The following BCAR3 variants were observed in gnomAD, a reference collection of about 807,000 sequenced individuals.
BCAR3 encodes BCAR3 adaptor protein, NSP family member.
BCAR3 carries 37 observed loss-of-function variants against 80.1 expected under a neutral mutation model. That is an observed-to-expected ratio of 0.46 (90% CI 0.36 to 0.61). The LOEUF is 0.61. Among genes scored for constraint, BCAR3 ranks in the 20% least tolerant of loss-of-function variants. BCAR3 has a pLI of 0.00. For missense variants in BCAR3, 978 were observed against 1,068.2 expected (o/e 0.92, Z 1.18); for synonymous variants, 389 against 418.9 (o/e 0.93, Z 0.87).
At chr1:93,668,049 C>T (rs1039120308) in intron 2 of BCAR3, among the ~76,000 whole-genome samples, 1 of 152,092 alleles carries the variant, frequency 6.6e-6, no homozygotes, top group Non-Finnish European at 1.5e-5. Flanking sequence ...GTGAAAAACC[C>T]AGAAGACTAA....
chr1:93,562,118 G>T lies in BCAR3; in HGVS notation c.*123C>A. The T allele has an allele frequency of 1.0e-6, 1 of 996,730 alleles. No individual in the cohort carries two copies. Among genetic ancestry groups the T allele is most frequent in the Non-Finnish European group, 1.5e-6 (1 of 689,440 alleles). 61.7% of individuals were successfully genotyped at this position (996,730 alleles called of 1,614,324 possible). ...GCAATTTACACGTTTAATATCCTGT[G>T]GATACTAAAAGCTTGTATATTGTCA... is the stretch of plus-strand genomic sequence containing the variant. On this transcript the variant is annotated 3_prime_UTR_variant, in exon 12 of 12. Coordinates refer to ENST00000260502, the MANE Select transcript of BCAR3 (RefSeq NM_003567.4).
In BCAR3 at chr1:93,561,744, T is replaced by C. The variant is rs1189519436; in HGVS notation, c.*497A>G. The C allele has an allele frequency of 6.5e-6, 1 of 152,682 alleles. No individual in the cohort carries two copies. The highest frequency in any genetic ancestry group is 2.1e-4 in the South Asian group (1 of 4,832). 9.5% of individuals were successfully genotyped at this position (152,682 alleles called of 1,614,324 possible). A position where few individuals can be genotyped will look rare whatever the true frequency, so the allele number is the denominator to read the frequency against. ...TTGAGGTAGCTAAGAGGTAGAGTTA[T>C]TGTACCAAGATGAGTTGTTTAATAT... is the stretch of plus-strand genomic sequence containing the variant. On this transcript the variant is annotated 3_prime_UTR_variant, in exon 12 of 12. Transcript: ENST00000260502.
At chr1:93,566,101 G>A (rs1468307815) in intron 11 of BCAR3, among the ~76,000 whole-genome samples, 2 of 152,066 alleles carry the variant, frequency 1.3e-5, no homozygotes, top group African/African-American at 2.4e-5. Context: ...CTTCAGCCAC[G>A]GTCTTATGTG....
chr1:93,642,684 C>T (rs1361188227), intron 2 of BCAR3, among the ~76,000 whole-genome samples: 6 of 152,202 alleles, frequency 3.9e-5, no homozygotes, highest in Non-Finnish European at 5.9e-5. Context: ...GGTACGGGAA[C>T]GTGTGGCACT....
chr1:93,672,501 G>T (rs1334620410), intron 2 of BCAR3, among the ~76,000 whole-genome samples: 1 of 152,178 alleles, frequency 6.6e-6, no homozygotes, highest in Non-Finnish European at 1.5e-5. Flanking sequence ...CTAACAGTTG[G>T]TTCTGACTCC....
intron 2 of BCAR3, among the ~76,000 whole-genome samples, chr1:93,785,877 T>C (rs1187089735): frequency 2.0e-5 from 3 of 152,184 alleles, no homozygotes; most frequent in Non-Finnish European, 2.9e-5. Context: ...AATTATACGA[T>C]GTGACTTCCA....
intron 2 of BCAR3, among the ~76,000 whole-genome samples, chr1:93,801,476 A>C (rs1456994660): frequency 6.6e-6 from 1 of 152,224 alleles, no homozygotes; most frequent in Non-Finnish European, 1.5e-5. Flanking sequence ...TTCTTCATTC[A>C]TTTCCAAATA....
intron 2 of BCAR3, among the ~76,000 whole-genome samples, chr1:93,782,491 T>A (rs1047986552): frequency 6.6e-6 from 1 of 152,060 alleles, no homozygotes; most frequent in Admixed American, 6.6e-5. Context: ...GTCAGTTCAT[T>A]TTGAGGCCAG....
At chr1:93,610,001 T>A (rs1329258832) in intron 3 of BCAR3, among the ~76,000 whole-genome samples, 1 of 152,112 alleles carries the variant, frequency 6.6e-6, no homozygotes, top group African/African-American at 2.4e-5. Context: ...TGATAACCGA[T>A]CGTTTCCTTC....
intron 2 of BCAR3, among the ~76,000 whole-genome samples, chr1:93,790,470 T>C: frequency 6.6e-6 from 1 of 152,150 alleles, no homozygotes; most frequent in Non-Finnish European, 1.5e-5. Flanking sequence ...TTCCCAAAAA[T>C]ATTTGATTAT....
intron 2 of BCAR3, among the ~76,000 whole-genome samples, chr1:93,750,144 T>A (rs1651507043): frequency 6.6e-6 from 1 of 152,158 alleles, no homozygotes; most frequent in Non-Finnish European, 1.5e-5. Flanking sequence ...GCCCAGGAAA[T>A]CACAGAAGTT....
chr1:93,760,000 G>T (rs1284463875), intron 2 of BCAR3, among the ~76,000 whole-genome samples: 1 of 152,130 alleles, frequency 6.6e-6, no homozygotes, highest in Non-Finnish European at 1.5e-5. Flanking sequence ...CCAGTGAGTG[G>T]GTCAGTAGGT....
Position 93,629,259 on chromosome 1 carries a change from G to A in BCAR3, c.357+13045C>T, listed in dbSNP as rs976764536. ...CAGCCTGGGCACACGCTGTCTCCCA[G>A]GCATGGAGTCTTCTGCCTTACCCAA... On this transcript the variant is annotated intron_variant, in intron 3 of 11. Coordinates refer to ENST00000260502, the MANE Select transcript of BCAR3 (RefSeq NM_003567.4). Among the ~76,000 whole-genome samples, 35 of 152,102 alleles carry A rather than the reference G, an allele frequency of 2.3e-4. 1 individual carries two copies. Among genetic ancestry groups the A allele is most frequent in the African/African-American group, 8.0e-4 (33 of 41,406 alleles).
intron 2 of BCAR3, among the ~76,000 whole-genome samples, chr1:93,715,698 C>T (rs890020525): frequency 2.6e-5 from 4 of 152,160 alleles, no homozygotes; most frequent in East Asian, 1.9e-4. Flanking sequence ...GTTTGGCTGA[C>T]GCAAGGCAAT....
At chr1:93,718,688 CTTTT>C (rs71094259) in intron 2 of BCAR3, among the ~76,000 whole-genome samples, 55 of 77,048 alleles carry the variant, frequency 7.1e-4, no homozygotes, top group South Asian at 1.6e-3. Context: ...CATTGTTTTT[CTTTT>C]TTTTTTTTTT....
At chr1:93,717,296 C>A (rs1650221727) in intron 2 of BCAR3, among the ~76,000 whole-genome samples, 1 of 152,162 alleles carries the variant, frequency 6.6e-6, no homozygotes, top group Admixed American at 6.5e-5. Context: ...CTGAGCCCAG[C>A]CAAAATTGCT....
intron 2 of BCAR3, among the ~76,000 whole-genome samples, chr1:93,746,885 A>G (rs1651376059): frequency 6.6e-6 from 1 of 152,222 alleles, no homozygotes; most frequent in East Asian, 1.9e-4. Context: ...TCCTGCTCAA[A>G]GCCCTCTCTT....
chr1:93,722,160 G>A (rs1018845870), intron 2 of BCAR3, among the ~76,000 whole-genome samples: 2 of 152,270 alleles, frequency 1.3e-5, no homozygotes, highest in South Asian at 4.1e-4. Context: ...CAGGCCTATG[G>A]AAGGGAGGGC....
chr1:93,772,514 A>G (rs1464141638), intron 2 of BCAR3, among the ~76,000 whole-genome samples: 1 of 152,310 alleles, frequency 6.6e-6, no homozygotes, highest in African/African-American at 2.4e-5. Context: ...ACTGTTTTAA[A>G]TCTAATCTTG....
Sources: allele counts gnomAD v4.1 joint callset (sites outside exome capture counted in the v4.1 genomes callset), GRCh38; gene constraint gnomAD v4.1.1; transcripts MANE v1.5; gene names NCBI Gene and HGNC (gene_info 2026-07-23, HGNC 2026-07-21).